MCM3: variants seen among roughly 807,000 people sequenced by gnomAD.
The protein encoded by MCM3 is DNA replication licensing factor MCM3.
In MCM3, 59 loss-of-function variants were observed where a neutral mutation model predicts 91.3. That is an observed-to-expected ratio of 0.65 (90% CI 0.52 to 0.80). The LOEUF (loss-of-function observed/expected upper bound fraction) is 0.80, where lower values mean the gene tolerates loss of function less well. Ranked by LOEUF, MCM3 falls within the 30% of genes least tolerant of loss-of-function variation. The pLI is 0.00. For synonymous variants in MCM3, 383 were observed against 379.6 expected (o/e 1.01, Z -0.10); for missense variants, 919 against 1,035.4 (o/e 0.89, Z 1.54).
Position 52,279,507 on chromosome 6 carries a change from G to A in MCM3, c.624C>T (p.Ala208=), listed in dbSNP as rs374505367. Residue 208 remains alanine (A), a synonymous_variant, in exon 5 of 17, where the codon GCC becomes GCT. Transcript: ENST00000596288. The part of the protein sequence containing the change: ...TITIQEMPEK[A]PAGQLPRSVD... ...CAGAGCGGGGGAGCTGGCCGGCTGG[G>A]GCCTTCTCCGGCATCTCCTGGATGG... 128 of 1,613,946 alleles carry A rather than the reference G, an allele frequency of 7.9e-5. 1 individual carries two copies. The highest frequency in any genetic ancestry group is 1.1e-4 in the Non-Finnish European group (127 of 1,180,026).
At position 52,273,834 on chromosome 6, in the gene MCM3, A is replaced by C; in HGVS notation, c.1457T>G (p.Leu486Arg). 1.2e-6 allele frequency: 2 copies of C among 1,614,206 alleles called. No homozygotes were observed. The highest frequency in any genetic ancestry group is 1.7e-6 in the Non-Finnish European group (2 of 1,180,020). The change falls in exon 10 of 17, where the codon CTG (leucine) becomes CGG (arginine). Residue 486 changes from leucine (L) to arginine (R), a missense_variant. Coordinates refer to ENST00000596288, the MANE Select transcript of MCM3 (RefSeq NM_002388.6). ...LSRFDLLFIM[L>R]DQMDPEQDRE... ...ATCCTGCTCAGGATCCATCTGATCC[A>C]GCATGATGAAGAGCAAGTCAAATCG...
intron 3 of MCM3, 129 bp from the exon 4 acceptor site, chr6:52,282,304 A>G: frequency 1.3e-6 from 1 of 798,026 alleles, no homozygotes. Flanking sequence ...ATATTTCAAT[A>G]TTACCTTTTA....
intron 1 of MCM3, among the ~76,000 whole-genome samples, 193 bp downstream of exon 1, chr6:52,284,404 T>C (rs938310815): frequency 1.3e-5 from 2 of 152,176 alleles, no homozygotes; most frequent in African/African-American, 4.8e-5. Flanking sequence ...GCTGGCTTCC[T>C]AAGAGTTCAC....
At chr6:52,281,493 T>A (rs993493932) in intron 4 of MCM3, among the ~76,000 whole-genome samples, 12 of 151,534 alleles carry the variant, frequency 7.9e-5, no homozygotes, top group African/African-American at 2.9e-4. Flanking sequence ...CTGGGCAACA[T>A]AGCGAGACCC....
rs372695514 is a variant in MCM3 at position 52,276,295 on chromosome 6, C to T, written c.1347G>A (p.Leu449=). The T allele has an allele frequency of 8.7e-6, 14 of 1,612,098 alleles. No individual in the cohort carries two copies. Among genetic ancestry groups the T allele is most frequent in the African/African-American group, 2.7e-5 (2 of 74,830 alleles). Residue 449 remains leucine, a synonymous_variant, in exon 9 of 17, where the codon TTG becomes TTA. Transcript: ENST00000596288. ...TGCCGTAGACAGGGTTGGCAGCTGC[C>T]AAAACACTGCAGCGGGCATTCAGCC... ...HARLNARCSV[L]AAANPVYGRY... is the part of the protein sequence containing the mutation.
At position 52,275,530 on chromosome 6, in the gene MCM3, A is replaced by G. The variant is rs1044661818; in HGVS notation, c.1374+738T>C. Among the ~76,000 whole-genome samples, 47 of 152,254 alleles carry G rather than the reference A, an allele frequency of 3.1e-4. 1 individual carries two copies. Among genetic ancestry groups the G allele is most frequent in the Admixed American group, 6.5e-4 (10 of 15,288 alleles). On this transcript the variant is annotated intron_variant, in intron 9 of 16. Transcript: ENST00000596288. ...GTAATTTTGCAATCTCTACCAAAAG[A>G]AAAATGCACATAACTCTTAATCCAG...
At chr6:52,282,593 C>G in intron 3 of MCM3, 60 bp downstream of exon 3, 1 of 1,540,044 alleles carries the variant, frequency 6.5e-7, no homozygotes, top group Non-Finnish European at 9.0e-7. Flanking sequence ...CTTTGCCTCT[C>G]CTGCTTTCCC....
rs1225024616 is a variant in MCM3, at chr6:52,266,157, G to A, written c.2159-13C>T. ...TTTGGAGTGTGTACTTCAGAGGGTT[G>A]ATGGTTGTAGAGATGGGGAAGATAA... is the stretch of plus-strand genomic sequence containing the variant. On this transcript the variant is annotated splice_polypyrimidine_tract_variant and intron_variant, in intron 15 of 16. Transcript: ENST00000596288. 1.9e-6 allele frequency: 3 copies of A among 1,607,476 alleles called. No individual in the cohort carries two copies. In the Admixed American group the frequency reaches 5.0e-5, roughly 27 times the overall value.
At position 52,264,577 on chromosome 6, in the gene MCM3, ACGAGG is replaced by A. The variant is rs765042812; in HGVS notation, c.*6_*10del. 2 of 1,614,052 alleles carry A rather than the reference ACGAGG, an allele frequency of 1.2e-6. No individual in the cohort carries two copies. Among genetic ancestry groups the A allele is most frequent in the South Asian group, 2.2e-5 (2 of 91,058 alleles). ...CTCTCGGCACAACCCAAGTTCAGAG[ACGAGG>A]CCTCCTCAGATGAGGAAGATGATGC... is the stretch of plus-strand genomic sequence containing the variant. On this transcript the variant is annotated 3_prime_UTR_variant, in exon 17 of 17. Coordinates refer to ENST00000596288, the MANE Select transcript of MCM3 (RefSeq NM_002388.6).
intron 2 of MCM3, 67 bp downstream of exon 2, chr6:52,283,227 T>G (rs9474191): frequency 5.3e-6 from 7 of 1,317,744 alleles, no homozygotes. Flanking sequence ...TGAGAGGCTG[T>G]TCCAATCTGG....
intron 15 of MCM3, 44 bp from the exon 16 acceptor site, chr6:52,266,188 G>C (rs1301628774): frequency 6.9e-7 from 1 of 1,454,814 alleles, no homozygotes. Context: ...GATAAGCAAG[G>C]TGAAGCCATT....
rs756241184 is a variant in MCM3 at position 52,277,073 on chromosome 6, C to T, written c.1159G>A (p.Glu387Lys). The part of the protein sequence containing the change: ...GLTAAVTTDQ[E>K]TGERRLEAGA... The stretch of plus-strand genomic sequence containing the variant: ...AGGACCCTTACACCCTTACCTGTTT[C>T]CTGGTCTGTGGTGACAGCAGCCGTC... Residue 387 changes from glutamate to lysine, a missense_variant, in exon 8 of 17, where the codon GAA becomes AAA. Glu to Lys is a moderately conservative substitution (Grantham distance 56). Around this residue, in one of 3 missense-constraint regions of MCM3, gnomAD observed 233 missense variants for 321.2 expected, o/e 0.73. Transcript: ENST00000596288. The T allele has an allele frequency of 6.2e-7, 1 of 1,613,762 alleles. No individual in the cohort carries two copies. Among genetic ancestry groups the T allele is most frequent in the African/African-American group, 1.3e-5 (1 of 74,936 alleles).
At chr6:52,266,279 TG>T (rs1412846436) in intron 15 of MCM3, 135 bp from the exon 16 acceptor site, 2 of 716,346 alleles carry the variant, frequency 2.8e-6, no homozygotes, top group Admixed American at 2.2e-5. Flanking sequence ...AGGGTTCTTA[TG>T]GGGCCAGGCA....
At chr6:52,284,222 G>T (rs1766431564) in intron 1 of MCM3, among the ~76,000 whole-genome samples, 1 of 152,200 alleles carries the variant, frequency 6.6e-6, no homozygotes, top group Non-Finnish European at 1.5e-5. Flanking sequence ...TGAGCACTCT[G>T]CAACGCGGCT....
chr6:52,278,931 CT>C, intron 5 of MCM3, 81 bp from the exon 6 acceptor site: 4 of 964,754 alleles, frequency 4.1e-6, no homozygotes, highest in Admixed American at 2.5e-5. Flanking sequence ...AGGAGTAAGC[CT>C]TTTTAGGCTG....
intron 16 of MCM3, among the ~76,000 whole-genome samples, 179 bp downstream of exon 16, chr6:52,265,891 TTCTCA>T (rs1427118556): frequency 6.6e-6 from 1 of 152,228 alleles, no homozygotes; most frequent in Non-Finnish European, 1.5e-5. Context: ...CTTCATGCTT[TTCTCA>T]TAACTTTTCA....
chr6:52,276,273 C>T lies in MCM3; in HGVS notation c.1369G>A (p.Gly457Ser), dbSNP rs140535116. Reference protein sequence around the residue: ...SVLAAANPVYGRYDQYKTPME... With the variant: ...SVLAAANPVYSRYDQYKTPME... ...TGGGGCCTGATTCCACTTACCCTGC[C>T]GTAGACAGGGTTGGCAGCTGCCAAA... Residue 457 changes from glycine to serine, a missense_variant, in exon 9 of 17, where the codon GGC becomes AGC. Physicochemically the swap from Gly to Ser is moderately conservative, Grantham distance 56. Around this residue, in one of 3 missense-constraint regions of MCM3, gnomAD observed 233 missense variants for 321.2 expected, o/e 0.73. Transcript: ENST00000596288. 11 of 1,610,148 alleles carry T rather than the reference C, an allele frequency of 6.8e-6. No homozygotes were observed. The highest frequency in any genetic ancestry group is 9.3e-6 in the Non-Finnish European group (11 of 1,178,772).
At chr6:52,281,652 C>T (rs1421830840) in intron 4 of MCM3, among the ~76,000 whole-genome samples, 1 of 151,856 alleles carries the variant, frequency 6.6e-6, no homozygotes, top group Non-Finnish European at 1.5e-5. Context: ...TGCACTCCAG[C>T]CTGAGAGAGA....
intron 12 of MCM3, among the ~76,000 whole-genome samples, chr6:52,271,567 G>C (rs1765130060): frequency 6.6e-6 from 1 of 152,114 alleles, no homozygotes; most frequent in South Asian, 2.1e-4. Flanking sequence ...GCTTGAACCA[G>C]GGAGGTGGAG....
Sources: gnomAD v4.1 joint callset for allele counts (sites outside exome capture counted in the v4.1 genomes callset) on GRCh38, gnomAD v4.1.1 for gene constraint, gnomAD v4.1.1 regional missense constraint, MANE v1.5 for transcripts, NCBI Gene and HGNC (gene_info 2026-07-23, HGNC 2026-07-21) for gene names.